DNM3: variants seen among roughly 807,000 people sequenced by gnomAD.
DNM3 encodes the protein dynamin 3.
Under a neutral mutation model 101.6 loss-of-function variants are expected in DNM3, and 47 were observed. That is an observed-to-expected ratio of 0.46 (90% confidence interval 0.37 to 0.59). The LOEUF (loss-of-function observed/expected upper bound fraction) is 0.59, where lower values mean the gene tolerates loss of function less well. DNM3 is among the 20% of genes least tolerant of loss of function. The pLI is 0.00. For missense variants in DNM3, 849 were observed against 1,085.7 expected, an observed-to-expected ratio of 0.78 and a Z score of 3.06; for synonymous variants, 385 against 387.9, an observed-to-expected ratio of 0.99 and a Z score of 0.09.
At chr1:172,184,054 T>C (rs1362719208) in intron 14 of DNM3, among the ~76,000 whole-genome samples, 2 of 152,046 alleles carry the variant, frequency 1.3e-5, no homozygotes, top group African/African-American at 4.8e-5. Context: ...CTTGGATTAG[T>C]TGCTTTATCT....
intron 15 of DNM3, among the ~76,000 whole-genome samples, chr1:172,273,031 CTCAAAATGAGGCTGTAACT>C (rs1399116157): frequency 2.0e-4 from 30 of 152,036 alleles, no homozygotes; most frequent in African/African-American, 6.3e-4. Flanking sequence ...AATGATTCAT[CTCAAAATGAGGCTGTAACT>C]TAAGTGGCAT....
intron 15 of DNM3, among the ~76,000 whole-genome samples, chr1:172,291,267 CATGTGCGTGT>C (rs2063903446): frequency 9.7e-6 from 1 of 103,356 alleles, no homozygotes; most frequent in Non-Finnish European, 2.4e-5. Context: ...CACACGCATA[CATGTGCGTGT>C]GTACACGTGT....
At chr1:171,981,898 A>G (rs2044827746) in intron 2 of DNM3, among the ~76,000 whole-genome samples, 1 of 152,226 alleles carries the variant, frequency 6.6e-6, no homozygotes, top group Non-Finnish European at 1.5e-5. Flanking sequence ...CACGGTTTCA[A>G]TGCTTATGTA....
intron 10 of DNM3, among the ~76,000 whole-genome samples, chr1:172,058,150 T>C (rs7527070): frequency 0.25 from 30,178 of 119,454 alleles, 4,691 homozygotes; most frequent in East Asian, 0.6. Flanking sequence ...GCTAACTATC[T>C]TAAATATATA....
intron 1 of DNM3, among the ~76,000 whole-genome samples, chr1:171,845,482 G>A (rs772680529): frequency 1.3e-5 from 2 of 152,212 alleles, no homozygotes; most frequent in Non-Finnish European, 2.9e-5. Flanking sequence ...GAGTCCAGGA[G>A]GTCAAAGCTG....
chr1:171,869,978 A>G (rs2035118856), intron 1 of DNM3, among the ~76,000 whole-genome samples: 1 of 152,168 alleles, frequency 6.6e-6, no homozygotes, highest in Non-Finnish European at 1.5e-5. Flanking sequence ...TTGGGTTGTA[A>G]AGCTATAGTT....
At chr1:171,879,545 G>A (rs2036080549) in intron 1 of DNM3, among the ~76,000 whole-genome samples, 1 of 152,102 alleles carries the variant, frequency 6.6e-6, no homozygotes, top group South Asian at 2.1e-4. Context: ...GAAAAAAATA[G>A]AATAATAAAA....
intron 14 of DNM3, among the ~76,000 whole-genome samples, chr1:172,195,554 A>G (rs111594384): frequency 3.3e-5 from 5 of 151,748 alleles, no homozygotes; most frequent in African/African-American, 9.7e-5. Context: ...TGTTAGCTCT[A>G]TAGTTTTTTT....
chr1:172,119,509 T>A (rs1014438241), intron 13 of DNM3, among the ~76,000 whole-genome samples: 3 of 152,120 alleles, frequency 2.0e-5, no homozygotes, highest in Non-Finnish European at 2.9e-5. Context: ...CTCGGTTTCC[T>A]TCATGGGTCC....
intron 17 of DNM3, among the ~76,000 whole-genome samples, chr1:172,333,386 T>G (rs1481919726): frequency 1.3e-5 from 2 of 152,132 alleles, no homozygotes; most frequent in African/African-American, 4.8e-5. Flanking sequence ...ACCCAGTTAG[T>G]AATGAGTATA....
intron 12 of DNM3, among the ~76,000 whole-genome samples, chr1:172,090,527 C>T (rs148716198): frequency 5.9e-5 from 9 of 151,740 alleles, no homozygotes; most frequent in African/African-American, 1.9e-4. Context: ...ATAATTTCAT[C>T]GTAATTAAGA....
chr1:172,256,499 T>C (rs2062404377), intron 15 of DNM3, among the ~76,000 whole-genome samples: 2 of 152,110 alleles, frequency 1.3e-5, no homozygotes, highest in Admixed American at 6.6e-5. Context: ...CAACTATTTC[T>C]TAATATTTTA....
intron 14 of DNM3, among the ~76,000 whole-genome samples, chr1:172,222,826 G>T (rs566760093): frequency 6.6e-6 from 1 of 152,206 alleles, no homozygotes; most frequent in African/African-American, 2.4e-5. Flanking sequence ...GATCTCAGAA[G>T]AGATATAACT....
intron 6 of DNM3, 129 bp from the exon 7 acceptor site, chr1:172,038,190 C>G: frequency 1.7e-6 from 2 of 1,190,744 alleles, no homozygotes; most frequent in Non-Finnish European, 2.4e-6. Context: ...ATGTCAAATG[C>G]AGACATAATG....
intron 1 of DNM3, among the ~76,000 whole-genome samples, chr1:171,915,197 AC>A (rs2039618650): frequency 6.6e-6 from 1 of 152,208 alleles, no homozygotes; most frequent in Admixed American, 6.5e-5. Flanking sequence ...GTAGGGTTTC[AC>A]TTGGAGAATG....
chr1:172,387,439 C>T (rs1465363016), intron 19 of DNM3, 80 bp downstream of exon 19: 3 of 1,186,712 alleles, frequency 2.5e-6, no homozygotes, highest in Admixed American at 2.1e-5. Flanking sequence ...GGGCGGATCA[C>T]GAGGTCAGGA....
chr1:172,010,414 C>G (rs547308434), intron 4 of DNM3, among the ~76,000 whole-genome samples: 1 of 151,404 alleles, frequency 6.6e-6, no homozygotes. Flanking sequence ...TTTTCTTTGT[C>G]TAAAAAAGTT....
At chr1:172,025,114 G>A (rs1320232345) in intron 4 of DNM3, among the ~76,000 whole-genome samples, 2 of 152,202 alleles carry the variant, frequency 1.3e-5, no homozygotes, top group African/African-American at 4.8e-5. Context: ...AGCTTTGTTT[G>A]GGGAGGGGCG....
intron 11 of DNM3, among the ~76,000 whole-genome samples, chr1:172,071,103 A>ATATATATATATATATATATATG (rs2052143141): frequency 7.4e-6 from 1 of 134,930 alleles, no homozygotes; most frequent in African/African-American, 2.9e-5. Flanking sequence ...ATATATATAT[A>ATATATATATATATATATATATG]TATATATATA....
Sources: allele counts gnomAD v4.1 joint callset (sites outside exome capture counted in the v4.1 genomes callset), GRCh38; gene constraint gnomAD v4.1.1; transcripts MANE v1.5; gene names NCBI Gene and HGNC (gene_info 2026-07-23, HGNC 2026-07-21).